The following POLA1 variants were observed in gnomAD, a reference collection of about 807,000 sequenced individuals.
POLA1 encodes DNA polymerase alpha catalytic subunit.
POLA1 carries 15 observed loss-of-function variants against 124.0 expected under a neutral mutation model. The ratio of observed to expected loss-of-function variants is 0.12; its 90% CI spans 0.08 to 0.19. The LOEUF is 0.19. Among genes scored for constraint, POLA1 ranks in the 10% least tolerant of loss-of-function variants. The probability of loss-of-function intolerance (pLI) is 1.00; values close to 1 mark genes in which losing one functional copy is unlikely to be tolerated. For synonymous variants in POLA1, 408 were observed against 389.4 expected (o/e 1.05, Z -0.56); for missense variants, 886 against 1,103.4 (o/e 0.80, Z 2.79).
intron 36 of POLA1, among the ~76,000 whole-genome samples, chrX:24,987,704 G>A (rs1363788091): frequency 9.0e-6 from 1 of 111,553 alleles, no homozygotes; most frequent in Non-Finnish European, 1.9e-5. Context: ...TTCCCTACCC[G>A]CAAACAAATA....
chrX:24,701,648 C>T (rs1359985282), intron 2 of POLA1, among the ~76,000 whole-genome samples: 1 of 111,173 alleles, frequency 9.0e-6, no homozygotes, highest in Non-Finnish European at 1.9e-5. Context: ...GTCGGTCAGG[C>T]TGGCCTGGAA....
chrX:24,748,235 G>T, intron 24 of POLA1, 76 bp from the exon 25 acceptor site: 1 of 698,661 alleles, frequency 1.4e-6, no homozygotes. Context: ...ATGGGGGAAA[G>T]CTCCTATAAA....
chrX:24,728,360 A>G (rs1930672493), intron 15 of POLA1, among the ~76,000 whole-genome samples: 2 of 111,700 alleles, frequency 1.8e-5, no homozygotes, highest in South Asian at 7.5e-4. Flanking sequence ...AAAATGTGGT[A>G]TTTCTTATAT....
intron 32 of POLA1, 54 bp from the exon 33 acceptor site, chrX:24,841,598 T>C: frequency 4.2e-6 from 3 of 722,878 alleles, no homozygotes. Flanking sequence ...TTTTCTTCTT[T>C]GGGGTATTTT....
intron 26 of POLA1, among the ~76,000 whole-genome samples, chrX:24,802,097 TCA>T (rs1195897270): frequency 9.1e-6 from 1 of 110,370 alleles, no homozygotes; most frequent in Admixed American, 9.7e-5. Flanking sequence ...TTGAGAGACC[TCA>T]GTCTTTTCCT....
At chrX:24,914,250 A>AT (rs370438265) in intron 35 of POLA1, among the ~76,000 whole-genome samples, 5 of 110,266 alleles carry the variant, frequency 4.5e-5, no homozygotes, top group Admixed American at 2.0e-4. Flanking sequence ...TTAAAGTAAG[A>AT]TTTTTTTTAA....
chrX:24,976,734 G>T (rs112869599), intron 36 of POLA1, among the ~76,000 whole-genome samples: 3 of 112,151 alleles, frequency 2.7e-5, no homozygotes, highest in African/African-American at 6.5e-5. Flanking sequence ...CATATGTCTG[G>T]TTACAAAAAG....
At chrX:24,912,808 G>T (rs2047468132) in intron 35 of POLA1, among the ~76,000 whole-genome samples, 1 of 111,583 alleles carries the variant, frequency 9.0e-6, no homozygotes, top group Non-Finnish European at 1.9e-5. Flanking sequence ...CTGTGAAAAA[G>T]ATACGGCTCC....
chrX:24,932,084 A>T (rs778222820), intron 36 of POLA1, among the ~76,000 whole-genome samples: 1 of 112,075 alleles, frequency 8.9e-6, no homozygotes, highest in African/African-American at 3.2e-5. Flanking sequence ...TTTCTAGTAG[A>T]GAGGGGGTTT....
At chrX:24,933,570 A>C (rs951262352) in intron 36 of POLA1, among the ~76,000 whole-genome samples, 8 of 112,021 alleles carry the variant, frequency 7.1e-5, no homozygotes, top group African/African-American at 2.6e-4. Context: ...TGGTGTGTGA[A>C]GTATTTACTG....
intron 2 of POLA1, among the ~76,000 whole-genome samples, chrX:24,701,912 C>G (rs1397616392): frequency 1.8e-5 from 2 of 108,609 alleles, no homozygotes; most frequent in African/African-American, 6.8e-5. Flanking sequence ...CCCCACCATG[C>G]CCAGCTAATT....
At chrX:24,951,752 T>C (rs1193902511) in intron 36 of POLA1, among the ~76,000 whole-genome samples, 2 of 112,064 alleles carry the variant, frequency 1.8e-5, no homozygotes, top group Non-Finnish European at 3.8e-5. Context: ...CTTGCCTTTA[T>C]TCAGACTTCA....
intron 4 of POLA1, among the ~76,000 whole-genome samples, chrX:24,710,690 A>G (rs1929353584): frequency 2.1e-5 from 2 of 93,992 alleles, no homozygotes; most frequent in African/African-American, 8.2e-5. Context: ...TTTTTGAGAC[A>G]GAGTCTCGCT....
intron 29 of POLA1, among the ~76,000 whole-genome samples, chrX:24,813,567 A>G (rs1156712865): frequency 7.1e-5 from 8 of 112,524 alleles, no homozygotes; most frequent in Non-Finnish European, 1.5e-4. Flanking sequence ...TAATCCCAGC[A>G]CTTTGGGAGG....
intron 34 of POLA1, among the ~76,000 whole-genome samples, chrX:24,865,363 G>T (rs181180522): frequency 2.2e-4 from 25 of 111,978 alleles, no homozygotes; most frequent in Admixed American, 4.7e-4. Context: ...GTACATGAAA[G>T]GTTGACAGTT....
chrX:24,705,867 T>C (rs749370681), intron 4 of POLA1, among the ~76,000 whole-genome samples: 1 of 112,148 alleles, frequency 8.9e-6, no homozygotes, highest in South Asian at 3.7e-4. Context: ...TATAAATAAA[T>C]GCTTTGTCAA....
chrX:24,818,422 A>G lies in POLA1; in HGVS notation c.3430-3030A>G, dbSNP rs1245251129. 3.6e-5 allele frequency among the ~76,000 whole-genome samples: 4 copies of G among 111,677 alleles called. No individual in the cohort carries two copies. The South Asian group carries it at 1.1e-3, about 31-fold the overall frequency. ...AGACAATCAAAACTTCACGTATTCCAAGTTTGAGGAGATTCAAATACTTGG... is the reference window on the plus strand; with the variant it reads ...AGACAATCAAAACTTCACGTATTCCGAGTTTGAGGAGATTCAAATACTTGG... On this transcript the variant is annotated intron_variant, in intron 30 of 36. Coordinates refer to ENST00000379068, the MANE Select transcript of POLA1 (RefSeq NM_001330360.2).
intron 10 of POLA1, among the ~76,000 whole-genome samples, chrX:24,721,522 A>T (rs1284762725): frequency 8.9e-6 from 1 of 112,739 alleles, no homozygotes; most frequent in East Asian, 2.8e-4. Flanking sequence ...AATAAAAATG[A>T]AGTACTCCAA....
intron 26 of POLA1, among the ~76,000 whole-genome samples, chrX:24,793,086 G>A (rs2045536554): frequency 9.1e-6 from 1 of 109,549 alleles, no homozygotes; most frequent in African/African-American, 3.3e-5. Flanking sequence ...AGACCAGCCT[G>A]GCCAATATGG....
Sources: allele counts gnomAD v4.1 joint callset (sites outside exome capture counted in the v4.1 genomes callset), GRCh38; gene constraint gnomAD v4.1.1; transcripts MANE v1.5; gene names NCBI Gene and HGNC (gene_info 2026-07-23, HGNC 2026-07-21).